KDM7A: variants seen among roughly 807,000 people sequenced by gnomAD.
KDM7A encodes lysine demethylase 7A.
In KDM7A, 28 loss-of-function variants were observed where a neutral mutation model predicts 114.8. That is an observed-to-expected ratio of 0.24 (90% CI 0.18 to 0.33). The LOEUF (loss-of-function observed/expected upper bound fraction) is 0.33, where lower values mean the gene tolerates loss of function less well. Ranked by LOEUF, KDM7A falls within the 10% of genes least tolerant of loss-of-function variation. The pLI is 1.00. For missense variants in KDM7A, 942 were observed against 1,142.5 expected, an observed-to-expected ratio of 0.82 and a Z score of 2.53; for synonymous variants, 423 against 397.8, an observed-to-expected ratio of 1.06 and a Z score of -0.75.
At chr7:140,099,442 C>G (rs558917351) in intron 13 of KDM7A, among the ~76,000 whole-genome samples, 1 of 152,220 alleles carries the variant, frequency 6.6e-6, no homozygotes, top group Admixed American at 6.5e-5. Flanking sequence ...AGAGATCCTC[C>G]CACCTCAGAC....
rs760867917 is a variant in KDM7A at position 140,096,554 on chromosome 7, C to A, written c.2374+1G>T. 6.2e-7 allele frequency: 1 copy of A among 1,610,726 alleles called. No homozygotes were observed. The highest frequency in any genetic ancestry group is 1.1e-5 in the South Asian group (1 of 91,024). On this transcript the variant is annotated splice_donor_variant, in intron 17 of 19. Transcript: ENST00000397560. LOFTEE classifies it high-confidence loss of function. ...AGAGACTGATAATTTATGTTTCTTA[C>A]CACATTCCACTGGTTTATCATAGCG...
intron 7 of KDM7A, among the ~76,000 whole-genome samples, chr7:140,123,887 C>A (rs183696030): frequency 1.3e-5 from 2 of 151,914 alleles, no homozygotes; most frequent in African/African-American, 4.8e-5. Flanking sequence ...CTGGCTAACA[C>A]GTGACACCCG....
intron 11 of KDM7A, among the ~76,000 whole-genome samples, chr7:140,107,230 G>A (rs986030884): frequency 6.6e-6 from 1 of 152,088 alleles, no homozygotes; most frequent in Admixed American, 6.5e-5. Flanking sequence ...TATCCTATTT[G>A]CCGGTATGTG....
rs754660775 is a variant in KDM7A, at chr7:140,102,092, A to G, written c.1497T>C (p.Asn499=). 2 of 1,614,090 alleles carry G rather than the reference A, an allele frequency of 1.2e-6. No individual in the cohort carries two copies. Among genetic ancestry groups the G allele is most frequent in the Non-Finnish European group, 1.7e-6 (2 of 1,179,946 alleles). ...GGGAATGGTATGGGGAAGTTGCTTC[A>G]TTTGAGGATCGTGAAACTGGACACA... The part of the protein sequence containing the change: ...PIVCPVSRSS[N]EATSPYHSRR... Residue 499 remains asparagine, a synonymous_variant, in exon 12 of 20, where the codon AAT becomes AAC. Coordinates refer to ENST00000397560, the MANE Select transcript of KDM7A (RefSeq NM_030647.2).
intron 1 of KDM7A, among the ~76,000 whole-genome samples, chr7:140,148,951 A>G (rs1374572510): frequency 6.6e-6 from 1 of 152,188 alleles, no homozygotes; most frequent in Non-Finnish European, 1.5e-5. Context: ...AAGTAAATGC[A>G]TACTCTGAAC....
At position 140,176,915 on chromosome 7, in the gene KDM7A, ACCGCCG is replaced by A. The variant is rs1161454131; in HGVS notation, c.17_22del (p.Ala6_Ala7del). Reference sequence around the variant, plus strand: ...GGCTCCAGCTGCTGCTCCCGCGGCCACCGCCGCCGCCGCTCCGGCCATCTTTAAAAA... The same window carrying A: ...GGCTCCAGCTGCTGCTCCCGCGGCCACCGCCGCTCCGGCCATCTTTAAAAA... On this transcript the variant is annotated inframe_deletion, in exon 1 of 20. Transcript: ENST00000397560. This position sits in a 1 kb window ranked among gnomAD's most constrained non-coding sequence, Gnocchi z 4.4. 1 of 1,165,338 alleles carries A rather than the reference ACCGCCG, an allele frequency of 8.6e-7. No homozygotes were observed. The highest frequency in any genetic ancestry group is 1.1e-6 in the Non-Finnish European group (1 of 939,878). 72.2% of individuals were successfully genotyped at this position (1,165,338 alleles called of 1,614,324 possible). A position where few individuals can be genotyped will look rare whatever the true frequency, so the allele number is the denominator to read the frequency against.
intron 1 of KDM7A, among the ~76,000 whole-genome samples, chr7:140,146,230 AT>A (rs1794338853): frequency 6.6e-6 from 1 of 152,240 alleles, no homozygotes; most frequent in Non-Finnish European, 1.5e-5. Context: ...ACAAAATACA[AT>A]TTTAAAAAAT....
At chr7:140,152,200 A>AT (rs1180865144) in intron 1 of KDM7A, among the ~76,000 whole-genome samples, 1 of 152,230 alleles carries the variant, frequency 6.6e-6, no homozygotes, top group Non-Finnish European at 1.5e-5. Context: ...GGAGAACTTA[A>AT]TATCCTTAGT....
At chr7:140,149,893 A>G (rs1304155080) in intron 1 of KDM7A, among the ~76,000 whole-genome samples, 4 of 152,338 alleles carry the variant, frequency 2.6e-5, no homozygotes, top group Admixed American at 2.0e-4. Context: ...TCTGTAATAT[A>G]TATCTGAAGT....
At chr7:140,145,752 T>C (rs1445868201) in intron 1 of KDM7A, among the ~76,000 whole-genome samples, 3 of 152,206 alleles carry the variant, frequency 2.0e-5, no homozygotes, top group African/African-American at 4.8e-5. Flanking sequence ...ACCTTGACCA[T>C]GGCCACATTC....
Position 140,119,235 on chromosome 7 carries a change from G to A in KDM7A, c.1140-16C>T, listed in dbSNP as rs760929938. On this transcript the variant is annotated splice_polypyrimidine_tract_variant and intron_variant, in intron 8 of 19. Coordinates refer to ENST00000397560, the MANE Select transcript of KDM7A (RefSeq NM_030647.2). ...CTCATAACACCTAAATGAGTTTGAAGAAATTTTTAATATTAATATTAGAAT... is the reference window on the plus strand; with the variant it reads ...CTCATAACACCTAAATGAGTTTGAAAAAATTTTTAATATTAATATTAGAAT... 6 of 1,375,968 alleles carry A rather than the reference G, an allele frequency of 4.4e-6. No individual in the cohort carries two copies. The South Asian group carries it at 6.9e-5, about 16-fold the overall frequency. 85.2% of individuals were successfully genotyped at this position (1,375,968 alleles called of 1,614,324 possible).
chr7:140,129,739 T>C (rs1031708478), intron 3 of KDM7A, 86 bp from the exon 4 acceptor site: 1 of 768,954 alleles, frequency 1.3e-6, no homozygotes, highest in Non-Finnish European at 2.2e-6. Context: ...TTAATTCATA[T>C]ACTGGATTAT....
At chr7:140,111,043 C>T (rs1392372579) in intron 11 of KDM7A, 52 bp downstream of exon 11, 8 of 986,906 alleles carry the variant, frequency 8.1e-6, no homozygotes, top group Non-Finnish European at 1.3e-5. Flanking sequence ...GATCCATTTG[C>T]TTCTCAAAGC....
chr7:140,160,283 T>TA (rs560402361), intron 1 of KDM7A, among the ~76,000 whole-genome samples: 23 of 152,168 alleles, frequency 1.5e-4, no homozygotes, highest in Non-Finnish European at 2.8e-4. Flanking sequence ...TAAATGAAAC[T>TA]AAAAAATCAC....
At chr7:140,136,953 C>T (rs1818880537) in intron 2 of KDM7A, among the ~76,000 whole-genome samples, 1 of 151,530 alleles carries the variant, frequency 6.6e-6, no homozygotes, top group South Asian at 2.1e-4. Flanking sequence ...TGCCACTGCA[C>T]TCCAGCCTGG....
chr7:140,164,947 C>T (rs763556187), intron 1 of KDM7A, among the ~76,000 whole-genome samples: 4 of 152,192 alleles, frequency 2.6e-5, no homozygotes, highest in African/African-American at 4.8e-5. Flanking sequence ...GACCATGGTG[C>T]CTGGCAACAT....
Position 140,176,619 on chromosome 7 carries a change from G to C in KDM7A, c.194+125C>G. The C allele has an allele frequency of 1.5e-6, 1 of 686,720 alleles. No individual in the cohort carries two copies. The highest frequency in any genetic ancestry group is 1.8e-6 in the Non-Finnish European group (1 of 557,704). The allele number at this position is 686,720 out of a possible 1,614,324, so 42.5% of individuals were successfully genotyped here. Reference sequence around the variant, plus strand: ...CTGCCCGGCCGGGGGGCTAGGCACCGGGGCCCCCTGAAAGCTGGGCGCGGC... The same window carrying C: ...CTGCCCGGCCGGGGGGCTAGGCACCCGGGCCCCCTGAAAGCTGGGCGCGGC... On this transcript the variant is annotated intron_variant, in intron 1 of 19. Coordinates refer to ENST00000397560, the MANE Select transcript of KDM7A (RefSeq NM_030647.2). This position sits in a 1 kb window ranked among gnomAD's most constrained non-coding sequence, Gnocchi z 4.4.
chr7:140,094,307 C>A (rs1462246672), intron 17 of KDM7A, among the ~76,000 whole-genome samples, 169 bp from the exon 18 acceptor site: 1 of 152,226 alleles, frequency 6.6e-6, no homozygotes, highest in African/African-American at 2.4e-5. Flanking sequence ...GAGTTCGAGA[C>A]CAGCCTGGCC....
At chr7:140,110,998 G>A in intron 11 of KDM7A, 97 bp downstream of exon 11, 1 of 687,722 alleles carries the variant, frequency 1.5e-6, no homozygotes, top group Non-Finnish European at 2.4e-6. Context: ...TTCTAAGTGT[G>A]TAAGAGTTTT....
Sources: gnomAD v4.1 joint callset for allele counts (sites outside exome capture counted in the v4.1 genomes callset) on GRCh38, gnomAD v4.1.1 for gene constraint, Gnocchi (gnomAD v3.1) non-coding constraint, MANE v1.5 for transcripts, NCBI Gene and HGNC (gene_info 2026-07-23, HGNC 2026-07-21) for gene names.